Variants in CADPS observed in about 807,000 individuals in gnomAD.
The protein encoded by CADPS is calcium dependent secretion activator.
Under a neutral mutation model 167.3 loss-of-function variants are expected in CADPS, and 57 were observed. That is an observed-to-expected ratio of 0.34 (90% confidence interval 0.28 to 0.42). The LOEUF (loss-of-function observed/expected upper bound fraction) is 0.42, where lower values mean the gene tolerates loss of function less well. CADPS is among the 20% of genes least tolerant of loss of function. The pLI is 1.00. For synonymous variants in CADPS, 676 were observed against 635.3 expected (o/e 1.06, Z -0.96); for missense variants, 1,414 against 1,738.1 (o/e 0.81, Z 3.32).
At chr3:62,832,648 T>C (rs2075287136) in intron 1 of CADPS, among the ~76,000 whole-genome samples, 1 of 152,228 alleles carries the variant, frequency 6.6e-6, no homozygotes, top group Admixed American at 6.5e-5. Flanking sequence ...GAGAAGAATC[T>C]ATTTAACGCT....
intron 13 of CADPS, among the ~76,000 whole-genome samples, chr3:62,529,679 A>G (rs1463725968): frequency 6.6e-6 from 1 of 152,222 alleles, no homozygotes; most frequent in East Asian, 1.9e-4. Flanking sequence ...ACCCGCATAT[A>G]CTGATTGACA....
intron 8 of CADPS, among the ~76,000 whole-genome samples, chr3:62,576,984 T>A (rs746583878): frequency 2.6e-5 from 4 of 151,926 alleles, no homozygotes; most frequent in Non-Finnish European, 5.9e-5. Context: ...GTCACTGACA[T>A]CTCTGTTATT....
intron 1 of CADPS, among the ~76,000 whole-genome samples, chr3:62,821,159 C>T (rs1020730049): frequency 6.6e-6 from 1 of 152,162 alleles, no homozygotes; most frequent in Non-Finnish European, 1.5e-5. Context: ...AGATTAGACA[C>T]TCTTTTCATA....
intron 7 of CADPS, among the ~76,000 whole-genome samples, chr3:62,587,932 C>G (rs921197556): frequency 6.6e-6 from 1 of 152,158 alleles, no homozygotes; most frequent in Non-Finnish European, 1.5e-5. Context: ...CTTCTGGGTG[C>G]ACATGAATCC....
In CADPS at chr3:62,491,386, T is replaced by C; in HGVS notation, c.2979A>G (p.Ala993=). ...GCTCAAAGCCCCTGTGAATGGATTG[T>C]GCAATTGAGGACTCCATCAGATCCA... ...RYVDLMESSI[A]QSIHRGFERE... The change falls in exon 21 of 30, where the codon GCA becomes GCG. Residue 993 remains alanine, a synonymous_variant. Transcript: ENST00000383710. 6.2e-7 allele frequency: 1 copy of C among 1,614,178 alleles called. No homozygotes were observed. The highest frequency in any genetic ancestry group is 8.5e-7 in the Non-Finnish European group (1 of 1,179,992).
chr3:62,456,887 C>T (rs2058748666), intron 26 of CADPS, among the ~76,000 whole-genome samples: 2 of 152,068 alleles, frequency 1.3e-5, no homozygotes, highest in Non-Finnish European at 1.5e-5. Flanking sequence ...TCCCTAACTT[C>T]GAACATAGGA....
At chr3:62,526,123 TAA>T (rs2072131288) in intron 13 of CADPS, among the ~76,000 whole-genome samples, 1 of 151,998 alleles carries the variant, frequency 6.6e-6, no homozygotes, top group South Asian at 2.1e-4. Flanking sequence ...CCTGGCAGAG[TAA>T]CAGGAGAAAA....
chr3:62,626,194 C>A (rs1174394952), intron 6 of CADPS: 1 of 205,900 alleles, frequency 4.9e-6, no homozygotes, highest in East Asian at 1.1e-4. Flanking sequence ...AGAATTAACA[C>A]GTTCACTTGA....
At chr3:62,676,328 G>A (rs2076328496) in intron 3 of CADPS, among the ~76,000 whole-genome samples, 1 of 152,138 alleles carries the variant, frequency 6.6e-6, no homozygotes, top group Non-Finnish European at 1.5e-5. Context: ...TATTTGTTGA[G>A]TGATTGTCTA....
At chr3:62,643,295 G>A (rs183265537) in intron 6 of CADPS, among the ~76,000 whole-genome samples, 29 of 152,210 alleles carry the variant, frequency 1.9e-4, no homozygotes, top group African/African-American at 4.8e-4. Flanking sequence ...ATTTGGCCTC[G>A]AACCCTTCTC....
intron 8 of CADPS, among the ~76,000 whole-genome samples, chr3:62,581,943 A>T (rs2083510077): frequency 6.6e-6 from 1 of 152,198 alleles, no homozygotes; most frequent in Non-Finnish European, 1.5e-5. Context: ...ATATGCCCAG[A>T]TACTAACATT....
intron 3 of CADPS, among the ~76,000 whole-genome samples, chr3:62,712,921 C>T (rs1339676292): frequency 6.6e-6 from 1 of 152,112 alleles, no homozygotes; most frequent in African/African-American, 2.4e-5. Flanking sequence ...AGACTGAAGG[C>T]CATATAGTTA....
intron 3 of CADPS, among the ~76,000 whole-genome samples, chr3:62,716,702 C>T (rs536862074): frequency 1.4e-4 from 21 of 152,282 alleles, no homozygotes; most frequent in African/African-American, 5.1e-4. Flanking sequence ...GGTATCAGAC[C>T]AATTAACTGA....
At chr3:62,591,353 AATG>A (rs994735770) in intron 7 of CADPS, among the ~76,000 whole-genome samples, 3 of 152,188 alleles carry the variant, frequency 2.0e-5, no homozygotes, top group African/African-American at 7.2e-5. Flanking sequence ...TAAGATAGCA[AATG>A]AAGGGGACTG....
chr3:62,443,271 T>A (rs1197648809), intron 27 of CADPS, among the ~76,000 whole-genome samples: 1 of 152,212 alleles, frequency 6.6e-6, no homozygotes, highest in African/African-American at 2.4e-5. Flanking sequence ...GAGGTTATTG[T>A]GAAGATAAAA....
At chr3:62,824,119 T>C (rs1205663841) in intron 1 of CADPS, among the ~76,000 whole-genome samples, 4 of 150,342 alleles carry the variant, frequency 2.7e-5, no homozygotes, top group Non-Finnish European at 5.9e-5. Flanking sequence ...CAACTACTCT[T>C]CTGAAATACT....
chr3:62,502,630 C>G (rs1156949368), intron 17 of CADPS, among the ~76,000 whole-genome samples: 1 of 151,990 alleles, frequency 6.6e-6, no homozygotes, highest in Non-Finnish European at 1.5e-5. Flanking sequence ...ACTTGAGAGC[C>G]CGAGTCTCAG....
intron 28 of CADPS, among the ~76,000 whole-genome samples, chr3:62,429,387 A>T (rs192679453): frequency 1.1e-4 from 16 of 152,332 alleles, no homozygotes; most frequent in Admixed American, 7.2e-4. Flanking sequence ...GAATAAAAAG[A>T]ACCTATGCAA....
chr3:62,688,088 G>A (rs576090077), intron 3 of CADPS, among the ~76,000 whole-genome samples: 14 of 152,034 alleles, frequency 9.2e-5, no homozygotes, highest in Non-Finnish European at 1.6e-4. Flanking sequence ...GCTTCCATCA[G>A]TTAATCGAGA....
Sources: allele counts gnomAD v4.1 joint callset (sites outside exome capture counted in the v4.1 genomes callset), GRCh38; gene constraint gnomAD v4.1.1; transcripts MANE v1.5; gene names NCBI Gene and HGNC (gene_info 2026-07-23, HGNC 2026-07-21).